Variants in RSBN1L observed in about 807,000 individuals in gnomAD.
RSBN1L encodes round spermatid basic protein 1 like.
In RSBN1L, 30 loss-of-function variants were observed where a neutral mutation model predicts 67.7. The ratio of observed to expected loss-of-function variants is 0.44; its 90% CI spans 0.33 to 0.60. The LOEUF (loss-of-function observed/expected upper bound fraction) is 0.60. Among genes scored for constraint, RSBN1L ranks in the 20% least tolerant of loss-of-function variants. The pLI is 0.02. For missense variants in RSBN1L, 992 were observed against 1,031.7 expected, an observed-to-expected ratio of 0.96 and a Z score of 0.53; for synonymous variants, 433 against 387.0, an observed-to-expected ratio of 1.12 and a Z score of -1.39.
rs1169498942 is a variant in RSBN1L, at chr7:77,742,182, TACACACAC to T, written c.703+5685_703+5692del. Among the ~76,000 whole-genome samples, 88 of 80,294 alleles carry T rather than the reference TACACACAC, an allele frequency of 1.1e-3. 1 individual carries two copies. The East Asian group carries it at 0.022, about 20-fold the overall frequency. 52.7% of individuals were successfully genotyped at this position (80,294 alleles called of 152,430 possible). On this transcript the variant is annotated intron_variant, in intron 2 of 7. Transcript: ENST00000334955. ...CCATCTTTAAAAAAAAAAAAAAAAA[TACACACAC>T]ACACACACACACACACACACACACA...
intron 3 of RSBN1L, among the ~76,000 whole-genome samples, chr7:77,763,559 G>C (rs191572407): frequency 1.3e-5 from 2 of 152,316 alleles, no homozygotes; most frequent in East Asian, 3.9e-4. Flanking sequence ...AATGCATCTA[G>C]AGCCTGAAGA....
At chr7:77,710,780 G>A (rs991969539) in intron 1 of RSBN1L, among the ~76,000 whole-genome samples, 1 of 152,008 alleles carries the variant, frequency 6.6e-6, no homozygotes, top group African/African-American at 2.4e-5. Context: ...ATTTTTAGTA[G>A]AGATGGAGTT....
intron 4 of RSBN1L, among the ~76,000 whole-genome samples, chr7:77,767,117 T>A (rs1050258573): frequency 7.0e-6 from 1 of 143,200 alleles, no homozygotes; most frequent in Non-Finnish European, 1.5e-5. Flanking sequence ...TTTCTTTCGA[T>A]GGGGTCCTGC....
In RSBN1L at chr7:77,749,909, G is replaced by T; in HGVS notation, c.1189G>T (p.Ala397Ser). 6.2e-7 allele frequency: 1 copy of T among 1,614,146 alleles called. No homozygotes were observed. ...GTTCAGTGAAAATGAAAACTCTGCA[G>T]CTTTCTACGTGATGGGTATTGTTCA... is the stretch of plus-strand genomic sequence containing the variant. Reference protein sequence around the residue: ...LVFSENENSAAFYVMGIVHGA... With the variant: ...LVFSENENSASFYVMGIVHGA... Residue 397 changes from alanine to serine, a missense_variant, in exon 3 of 8, where the codon GCT (alanine) becomes TCT (serine). By Grantham distance (99) the Ala-to-Ser change is moderately conservative. This residue lies in a region of RSBN1L where 63 missense variants were observed against 84.8 expected (regional missense o/e 0.74). Coordinates refer to ENST00000334955, the MANE Select transcript of RSBN1L (RefSeq NM_198467.3).
chr7:77,772,832 C>A (rs1264815676), intron 5 of RSBN1L, among the ~76,000 whole-genome samples: 1 of 152,022 alleles, frequency 6.6e-6, no homozygotes, highest in East Asian at 1.9e-4. Context: ...CTTGTGTTAC[C>A]CAAGAGATCT....
intron 6 of RSBN1L, among the ~76,000 whole-genome samples, chr7:77,776,362 A>G (rs1791914609): frequency 6.6e-6 from 1 of 152,160 alleles, no homozygotes; most frequent in South Asian, 2.1e-4. Context: ...CACCACCAAA[A>G]CGATAGAACA....
At chr7:77,747,121 C>G (rs1008592264) in intron 2 of RSBN1L, among the ~76,000 whole-genome samples, 1 of 152,168 alleles carries the variant, frequency 6.6e-6, no homozygotes, top group Non-Finnish European at 1.5e-5. Context: ...GGTGGAGACT[C>G]AGTGTGGGGG....
intron 3 of RSBN1L, among the ~76,000 whole-genome samples, chr7:77,763,439 G>C (rs1791721786): frequency 6.6e-6 from 1 of 152,186 alleles, no homozygotes; most frequent in African/African-American, 2.4e-5. Flanking sequence ...TAACAGACTT[G>C]ATGTGTTCTA....
At chr7:77,740,947 T>G (rs1469150322) in intron 2 of RSBN1L, among the ~76,000 whole-genome samples, 2 of 151,822 alleles carry the variant, frequency 1.3e-5, no homozygotes, top group Non-Finnish European at 2.9e-5. Flanking sequence ...GTATGTGGCT[T>G]TGGGGAGGGT....
At chr7:77,744,064 C>A (rs1247175447) in intron 2 of RSBN1L, among the ~76,000 whole-genome samples, 1 of 151,266 alleles carries the variant, frequency 6.6e-6, no homozygotes, top group Non-Finnish European at 1.5e-5. Flanking sequence ...TTATTTTTTT[C>A]TCTGTTGCCT....
intron 3 of RSBN1L, among the ~76,000 whole-genome samples, chr7:77,750,839 A>G (rs1791547314): frequency 6.6e-6 from 1 of 152,176 alleles, no homozygotes; most frequent in Non-Finnish European, 1.5e-5. Flanking sequence ...GGAAGTCTCA[A>G]ATGGATCTTA....
chr7:77,699,280 G>A (rs1584270273), intron 1 of RSBN1L, among the ~76,000 whole-genome samples: 2 of 152,136 alleles, frequency 1.3e-5, no homozygotes, highest in Non-Finnish European at 2.9e-5. Context: ...ACCTAAACAA[G>A]GAAGAGATTC....
chr7:77,725,981 G>A (rs1418388925), intron 1 of RSBN1L, among the ~76,000 whole-genome samples: 2 of 151,722 alleles, frequency 1.3e-5, no homozygotes, highest in South Asian at 2.1e-4. Context: ...GTCTTGTAGC[G>A]CTTCTGTTAT....
chr7:77,760,487 C>G (rs755726879), intron 3 of RSBN1L, among the ~76,000 whole-genome samples: 18 of 152,020 alleles, frequency 1.2e-4, no homozygotes, highest in Admixed American at 3.3e-4. Flanking sequence ...ATAAGCTTTT[C>G]CACAAATACA....
intron 1 of RSBN1L, among the ~76,000 whole-genome samples, chr7:77,734,558 G>A (rs920340437): frequency 2.0e-5 from 3 of 151,358 alleles, no homozygotes; most frequent in Non-Finnish European, 4.4e-5. Flanking sequence ...GCATGATCTC[G>A]GCTCACTGCA....
intron 2 of RSBN1L, among the ~76,000 whole-genome samples, chr7:77,746,095 C>T (rs1203363725): frequency 6.6e-6 from 1 of 152,178 alleles, no homozygotes; most frequent in Non-Finnish European, 1.5e-5. Context: ...CAGTACCGGT[C>T]TGTTGCCCTG....
Position 77,778,904 on chromosome 7 carries a change from T to A in RSBN1L, c.2277T>A (p.Ser759=). The A allele has an allele frequency of 6.2e-7, 1 of 1,614,014 alleles. No homozygotes were observed. Among genetic ancestry groups the A allele is most frequent in the Non-Finnish European group, 8.5e-7 (1 of 1,179,924 alleles). The change falls in exon 8 of 8, where the codon TCT becomes TCA. Residue 759 remains serine, a synonymous_variant. Coordinates refer to ENST00000334955, the MANE Select transcript of RSBN1L (RefSeq NM_198467.3). The stretch of plus-strand genomic sequence containing the variant: ...AGATTAAACATGAACCTATTGCATC[T>A]GTAAGAATCAAGGAAGAACCTGTGA... The part of the protein sequence containing the change: ...LQQIKHEPIA[S]VRIKEEPVNV...
intron 1 of RSBN1L, among the ~76,000 whole-genome samples, chr7:77,703,544 C>T (rs1299282444): frequency 5.1e-5 from 6 of 117,252 alleles, no homozygotes; most frequent in African/African-American, 6.6e-5. Context: ...GGCTGGAGTG[C>T]AGTGGCACAA....
At position 77,773,237 on chromosome 7, in the gene RSBN1L, A is replaced by G; in HGVS notation, c.1716A>G (p.Ala572=). 6.2e-7 allele frequency: 1 copy of G among 1,613,594 alleles called. No individual in the cohort carries two copies. The highest frequency in any genetic ancestry group is 8.5e-7 in the Non-Finnish European group (1 of 1,179,670). The change falls in exon 6 of 8, where the codon GCA becomes GCG. Residue 572 remains alanine (A), a synonymous_variant. Coordinates refer to ENST00000334955, the MANE Select transcript of RSBN1L (RefSeq NM_198467.3). The stretch of plus-strand genomic sequence containing the variant: ...TTGAAGACAGGACAAGAGCTCATGC[A>G]GATCATATAGGACAAGGTTTTGAAC... ...MLFEDRTRAH[A]DHIGQGFERQ...
Sources: gnomAD v4.1 joint callset for allele counts (sites outside exome capture counted in the v4.1 genomes callset) on GRCh38, gnomAD v4.1.1 for gene constraint, gnomAD v4.1.1 regional missense constraint, MANE v1.5 for transcripts, NCBI Gene and HGNC (gene_info 2026-07-23, HGNC 2026-07-21) for gene names.